RBL1: variants seen among roughly 807,000 people sequenced by gnomAD.
RBL1 encodes the protein retinoblastoma-like protein 1.
RBL1 carries 82 observed loss-of-function variants against 123.0 expected under a neutral mutation model. The ratio of observed to expected loss-of-function variants is 0.67; its 90% CI spans 0.56 to 0.80. The LOEUF is 0.80. RBL1 is among the 30% of genes least tolerant of loss of function. RBL1 has a pLI of 0.00. For missense variants in RBL1, 1,171 were observed against 1,299.6 expected (o/e 0.90, Z 1.52); for synonymous variants, 405 against 441.3 (o/e 0.92, Z 1.03).
chr20:36,999,682 T>C (rs8125122), intron 21 of RBL1, among the ~76,000 whole-genome samples: 8,705 of 135,308 alleles, frequency 0.064, no homozygotes, highest in African/African-American at 0.14. Flanking sequence ...TTGGTGGAGA[T>C]GGGGTTTCGC....
rs2146223077 is a variant in RBL1 at position 37,018,434 on chromosome 20, G to A, written c.2632-65C>T. The A allele has an allele frequency of 5.9e-6, 9 of 1,520,480 alleles. No individual in the cohort carries two copies. In the South Asian group the frequency reaches 1.2e-4, roughly 20 times the overall value. 94.2% of individuals were successfully genotyped at this position (1,520,480 alleles called of 1,614,324 possible). A position where few individuals can be genotyped will look rare whatever the true frequency, so the allele number is the denominator to read the frequency against. The stretch of plus-strand genomic sequence containing the variant: ...GAGGTACAGGTTAAACAAAATCAAA[G>A]TGAGAAGAGCAAAATATCAAACCAA... On this transcript the variant is annotated intron_variant, in intron 18 of 21. Coordinates refer to ENST00000373664, the MANE Select transcript of RBL1 (RefSeq NM_002895.5).
chr20:37,041,547 G>A (rs147356973), intron 13 of RBL1, among the ~76,000 whole-genome samples: 2 of 152,050 alleles, frequency 1.3e-5, no homozygotes, highest in Admixed American at 6.6e-5. Flanking sequence ...GGTCTCGAAC[G>A]CTTGACCTCA....
chr20:37,019,691 CTCTT>C (rs1210972609), intron 18 of RBL1, among the ~76,000 whole-genome samples: 1 of 152,200 alleles, frequency 6.6e-6, no homozygotes, highest in Non-Finnish European at 1.5e-5. Flanking sequence ...CACTACCTCT[CTCTT>C]TCTGTCTACA....
At chr20:37,079,213 A>C (rs2065411062) in intron 2 of RBL1, among the ~76,000 whole-genome samples, 1 of 151,792 alleles carries the variant, frequency 6.6e-6, no homozygotes, top group Non-Finnish European at 1.5e-5. Flanking sequence ...CAAAAAAAAA[A>C]AAAAAAAACC....
chr20:37,058,548 C>T (rs1019662145), intron 9 of RBL1, among the ~76,000 whole-genome samples: 2 of 148,318 alleles, frequency 1.3e-5, no homozygotes, highest in African/African-American at 4.9e-5. Flanking sequence ...AAGAAAGAAA[C>T]AATGACCAGG....
intron 1 of RBL1, among the ~76,000 whole-genome samples, chr20:37,095,228 G>A (rs761880775): frequency 6.6e-6 from 1 of 152,092 alleles, no homozygotes; most frequent in Non-Finnish European, 1.5e-5. Flanking sequence ...CACAGCGACC[G>A]GCAGCTCCAC....
At chr20:37,089,702 A>T (rs566838396) in intron 1 of RBL1, among the ~76,000 whole-genome samples, 4 of 152,012 alleles carry the variant, frequency 2.6e-5, no homozygotes, top group African/African-American at 4.8e-5. Flanking sequence ...TACACTCCAA[A>T]TCTAATACAG....
intron 2 of RBL1, among the ~76,000 whole-genome samples, chr20:37,080,708 C>T (rs2065435369): frequency 6.6e-6 from 1 of 152,178 alleles, no homozygotes; most frequent in South Asian, 2.1e-4. Context: ...ATCCACCCGC[C>T]TAGGCCTCCC....
At chr20:37,012,817 AC>A (rs1401462452) in intron 19 of RBL1, among the ~76,000 whole-genome samples, 1 of 139,192 alleles carries the variant, frequency 7.2e-6, no homozygotes, top group Non-Finnish European at 1.5e-5. Flanking sequence ...CCGGCCAGCC[AC>A]CCCGTCAGGG....
intron 7 of RBL1, among the ~76,000 whole-genome samples, chr20:37,062,721 C>A (rs1308343752): frequency 1.3e-5 from 2 of 150,366 alleles, no homozygotes; most frequent in African/African-American, 2.5e-5. Flanking sequence ...TTTGGGAGGC[C>A]GAGGCGGGCA....
At chr20:37,029,296 G>A (rs1247492236) in intron 16 of RBL1, among the ~76,000 whole-genome samples, 1 of 152,110 alleles carries the variant, frequency 6.6e-6, no homozygotes, top group Non-Finnish European at 1.5e-5. Flanking sequence ...GCATACTCAA[G>A]TCCTGCATTT....
intron 2 of RBL1, chr20:37,082,094 T>C: frequency 2.2e-6 from 1 of 447,122 alleles, no homozygotes; most frequent in Non-Finnish European, 4.5e-6. Flanking sequence ...GCCAGGATCA[T>C]AAGGTTTCTC....
chr20:37,024,767 G>A (rs578119057), intron 16 of RBL1, among the ~76,000 whole-genome samples: 1 of 152,188 alleles, frequency 6.6e-6, no homozygotes, highest in South Asian at 2.1e-4. Flanking sequence ...TTAATTATCA[G>A]AGGCAATAAT....
intron 14 of RBL1, 66 bp downstream of exon 14, chr20:37,040,087 T>G: frequency 6.3e-7 from 1 of 1,592,242 alleles, no homozygotes; most frequent in Non-Finnish European, 8.5e-7. Context: ...AGACTTAAAA[T>G]TTTCCCTGAA....
chr20:36,999,161 C>T (rs148087624), intron 21 of RBL1, among the ~76,000 whole-genome samples: 230 of 152,098 alleles, frequency 1.5e-3, no homozygotes, highest in African/African-American at 5.0e-3. Flanking sequence ...AATACCAGCA[C>T]TTTGGGAGGC....
intron 19 of RBL1, among the ~76,000 whole-genome samples, chr20:37,012,021 C>A (rs1391807522): frequency 6.6e-6 from 1 of 152,228 alleles, no homozygotes; most frequent in Non-Finnish European, 1.5e-5. Context: ...CGCTGTCACG[C>A]CTGACTGGTT....
At chr20:37,059,212 A>G (rs1600550652) in intron 9 of RBL1, among the ~76,000 whole-genome samples, 1 of 152,280 alleles carries the variant, frequency 6.6e-6, no homozygotes, top group East Asian at 1.9e-4. Flanking sequence ...CAGTCTTCCT[A>G]TCTTACTGGC....
Position 37,067,229 on chromosome 20 carries a change from T to C in RBL1, c.556+4A>G. On this transcript the variant is annotated splice_donor_region_variant and intron_variant, in intron 4 of 21. Transcript: ENST00000373664. ...ATGTAAGACCACTGAAAGTGTCATCTTACCCTTAGTATAAACAAAAAGTGT... is the reference window on the plus strand; with the variant it reads ...ATGTAAGACCACTGAAAGTGTCATCCTACCCTTAGTATAAACAAAAAGTGT... 1 of 1,601,446 alleles carries C rather than the reference T, an allele frequency of 6.2e-7. No individual in the cohort carries two copies. The highest frequency in any genetic ancestry group is 1.1e-5 in the South Asian group (1 of 87,734).
chr20:37,016,248 G>A (rs1018987663), intron 19 of RBL1, among the ~76,000 whole-genome samples: 4 of 151,718 alleles, frequency 2.6e-5, no homozygotes, highest in Non-Finnish European at 5.9e-5. Context: ...GGCTGGTCTC[G>A]AACTCCTGAC....
Sources: allele counts gnomAD v4.1 joint callset (sites outside exome capture counted in the v4.1 genomes callset), GRCh38; gene constraint gnomAD v4.1.1; transcripts MANE v1.5; gene names NCBI Gene and HGNC (gene_info 2026-07-23, HGNC 2026-07-21).